The following SCARA5 variants were observed in gnomAD, a reference collection of about 807,000 sequenced individuals.
SCARA5 encodes scavenger receptor class A member 5, also known as scavenger receptor class A, member 5 (putative).
A neutral mutation model predicts 46.3 loss-of-function variants in SCARA5; 45 were observed. That is an observed-to-expected ratio of 0.97 (90% CI 0.76 to 1.24). The LOEUF (loss-of-function observed/expected upper bound fraction) is 1.24. Among genes scored for constraint, SCARA5 ranks in the 50% most tolerant of loss-of-function variants. SCARA5 has a pLI of 0.00. For missense variants in SCARA5, 680 were observed against 689.0 expected (o/e 0.99, Z 0.15); for synonymous variants, 333 against 306.5 (o/e 1.09, Z -0.90).
chr8:27,991,743 G>A (rs576915657), intron 1 of SCARA5, among the ~76,000 whole-genome samples: 1 of 152,216 alleles, frequency 6.6e-6, no homozygotes, highest in Non-Finnish European at 1.5e-5. Context: ...ACTGTACTTA[G>A]TTAAGCTAAA....
chr8:27,989,138 T>C (rs1365911989), intron 1 of SCARA5, among the ~76,000 whole-genome samples: 6 of 132,908 alleles, frequency 4.5e-5, no homozygotes, highest in African/African-American at 1.8e-4. Context: ...TCTTTTTTTT[T>C]TTTTTTTTTT....
rs774644825 is a variant in SCARA5, at chr8:27,966,590, C to T, written c.113-48G>A. On this transcript the variant is annotated intron_variant, in intron 2 of 8. Coordinates refer to ENST00000354914, the MANE Select transcript of SCARA5 (RefSeq NM_173833.6). ...GGAAGGAAAGAAGACACTTAAAAACCCCATAAGCTCTTTTCTTTTTTGGTC... is the reference window on the plus strand; with the variant it reads ...GGAAGGAAAGAAGACACTTAAAAACTCCATAAGCTCTTTTCTTTTTTGGTC... The T allele has an allele frequency of 3.2e-5, 49 of 1,545,978 alleles. No individual in the cohort carries two copies. The African/African-American group carries it at 5.5e-4, about 18-fold the overall frequency.
intron 2 of SCARA5, among the ~76,000 whole-genome samples, chr8:27,970,276 T>C (rs1358292294): frequency 6.6e-6 from 1 of 151,976 alleles, no homozygotes; most frequent in East Asian, 1.9e-4. Flanking sequence ...CTGGCCAATA[T>C]CTTTACTGCA....
At chr8:27,926,406 T>G (rs916494087) in intron 3 of SCARA5, among the ~76,000 whole-genome samples, 1 of 152,026 alleles carries the variant, frequency 6.6e-6, no homozygotes, top group Admixed American at 6.6e-5. Flanking sequence ...AGGAGATCAC[T>G]TGGACACAGT....
intron 2 of SCARA5, among the ~76,000 whole-genome samples, chr8:27,982,356 C>T (rs1017782266): frequency 6.7e-6 from 1 of 148,860 alleles, no homozygotes; most frequent in South Asian, 2.1e-4. Context: ...ATCGGGGAAA[C>T]CAAGGCGGGA....
chr8:27,935,119 G>C (rs1299685070), intron 3 of SCARA5, among the ~76,000 whole-genome samples: 3 of 152,218 alleles, frequency 2.0e-5, no homozygotes, highest in Admixed American at 6.5e-5. Context: ...ACCTCCAGAA[G>C]CAACCAAGGC....
Position 27,921,947 on chromosome 8 carries a change from C to G in SCARA5, c.540G>C (p.Thr180=), listed in dbSNP as rs760209676. 3.2e-6 allele frequency: 5 copies of G among 1,542,418 alleles called. No individual in the cohort carries two copies. The highest frequency in any genetic ancestry group is 3.5e-6 in the Non-Finnish European group (4 of 1,153,076). ...LRDRTGQQSD[T]AQLELYQLQV... Reference sequence around the variant, plus strand: ...GCAGCTGGTAGAGCTCCAGCTGCGCCGTGTCGCTCTGCTGGCCCGTGCGGT... The same window carrying G: ...GCAGCTGGTAGAGCTCCAGCTGCGCGGTGTCGCTCTGCTGGCCCGTGCGGT... Residue 180 remains threonine, a synonymous_variant, in exon 4 of 9, where the codon ACG becomes ACC. Coordinates refer to ENST00000354914, the MANE Select transcript of SCARA5 (RefSeq NM_173833.6).
At position 27,893,737 on chromosome 8, in the gene SCARA5, G is replaced by A. The variant is rs201675068; in HGVS notation, c.1153+11041C>T. 1.2e-4 allele frequency among the ~76,000 whole-genome samples: 18 copies of A among 152,228 alleles called. No homozygotes were observed. The East Asian group carries it at 3.3e-3, about 28-fold the overall frequency. On this transcript the variant is annotated intron_variant, in intron 7 of 8. Coordinates refer to ENST00000354914, the MANE Select transcript of SCARA5 (RefSeq NM_173833.6). ...CGCCCTGGCATCTCTGGACATCCCA[G>A]GGTTTTGCATCTGATTATTCCCTAC...
At chr8:27,947,214 G>T (rs972825824) in intron 3 of SCARA5, among the ~76,000 whole-genome samples, 4 of 152,180 alleles carry the variant, frequency 2.6e-5, no homozygotes, top group African/African-American at 9.6e-5. Flanking sequence ...GTTTCGCCGT[G>T]TTGGCCAGGC....
At chr8:27,884,961 C>T (rs1806870150) in intron 7 of SCARA5, among the ~76,000 whole-genome samples, 1 of 151,984 alleles carries the variant, frequency 6.6e-6, no homozygotes, top group African/African-American at 2.4e-5. Context: ...AGAGTGAGGG[C>T]AGGCGCCATC....
intron 2 of SCARA5, among the ~76,000 whole-genome samples, chr8:27,977,442 C>T (rs935307470): frequency 6.6e-5 from 10 of 152,172 alleles, no homozygotes; most frequent in African/African-American, 2.2e-4. Context: ...GCGGATCAGC[C>T]GTGAAACCTC....
chr8:27,917,524 C>T (rs1324249574), intron 4 of SCARA5, among the ~76,000 whole-genome samples: 8 of 152,166 alleles, frequency 5.3e-5, no homozygotes, highest in East Asian at 3.9e-4. Flanking sequence ...GCTTACAGCT[C>T]GGAAGCAAAA....
At chr8:27,978,043 T>C (rs1808554348) in intron 2 of SCARA5, among the ~76,000 whole-genome samples, 1 of 135,694 alleles carries the variant, frequency 7.4e-6, no homozygotes, top group African/African-American at 3.2e-5. Context: ...TTTTTTTTTT[T>C]TGAGACGGAG....
chr8:27,890,437 T>C lies in SCARA5; in HGVS notation c.1154-10671A>G, dbSNP rs1431664730. Among the ~76,000 whole-genome samples the C allele has an allele frequency of 3.2e-4, 49 of 152,242 alleles. 1 individual carries two copies. Among genetic ancestry groups the C allele is most frequent in the Admixed American group, 3.2e-3 (49 of 15,288 alleles). Reference sequence around the variant, plus strand: ...CACATATACTATTTTCCCTTGGAAATAGAGACCATGTCTTGTTTGTCCATG... The same window carrying C: ...CACATATACTATTTTCCCTTGGAAACAGAGACCATGTCTTGTTTGTCCATG... On this transcript the variant is annotated intron_variant, in intron 7 of 8. Coordinates refer to ENST00000354914, the MANE Select transcript of SCARA5 (RefSeq NM_173833.6).
chr8:27,916,469 A>ATG (rs1235238120), intron 4 of SCARA5, among the ~76,000 whole-genome samples: 3 of 151,988 alleles, frequency 2.0e-5, no homozygotes, highest in African/African-American at 7.3e-5. Context: ...GTATGCGTAT[A>ATG]TGTGTGTGTG....
Position 27,987,571 on chromosome 8 carries a change from G to A in SCARA5, c.45C>T (p.Asp15=), listed in dbSNP as rs1337319302. The change falls in exon 2 of 9, where the codon GAC becomes GAT. Residue 15 remains aspartate, a synonymous_variant. Transcript: ENST00000354914. ...AMYLHTVSDC[D]TSSICEDSFD... is the part of the protein sequence containing the mutation. Reference sequence around the variant, plus strand: ...AGGAATCCTCACAGATGGAGCTGGTGTCACAGTCGCTGACGGTGTGTAGGT... The same window carrying A: ...AGGAATCCTCACAGATGGAGCTGGTATCACAGTCGCTGACGGTGTGTAGGT... The A allele has an allele frequency of 5.0e-6, 8 of 1,614,022 alleles. No homozygotes were observed. The highest frequency in any genetic ancestry group is 5.9e-6 in the Non-Finnish European group (7 of 1,179,978).
At position 27,870,163 on chromosome 8, in the gene SCARA5, C is replaced by T. The variant is rs919723689; in HGVS notation, c.*1771G>A. The T allele has an allele frequency of 6.6e-6, 1 of 151,104 alleles. No homozygotes were observed. Among genetic ancestry groups the T allele is most frequent in the Non-Finnish European group, 1.5e-5 (1 of 67,970 alleles). The allele number at this position is 151,104 out of a possible 1,614,324, so 9.4% of individuals were successfully genotyped here. On this transcript the variant is annotated 3_prime_UTR_variant, in exon 9 of 9. Coordinates refer to ENST00000354914, the MANE Select transcript of SCARA5 (RefSeq NM_173833.6). ...TGGAAGGGATAACTGGATTCTTTGC[C>T]AGAACCGGGTTGGGAATTTAGTTTG...
intron 7 of SCARA5, among the ~76,000 whole-genome samples, chr8:27,899,099 G>A (rs1433960688): frequency 6.6e-6 from 1 of 152,234 alleles, no homozygotes; most frequent in Non-Finnish European, 1.5e-5. Flanking sequence ...CACGGAGGGG[G>A]TCTAAAGGGA....
intron 2 of SCARA5, among the ~76,000 whole-genome samples, chr8:27,975,648 G>C (rs1442014017): frequency 6.6e-6 from 1 of 152,220 alleles, no homozygotes; most frequent in Admixed American, 6.5e-5. Flanking sequence ...TTGGTAACCT[G>C]AAGTGAAGCA....
Sources: allele counts gnomAD v4.1 joint callset (sites outside exome capture counted in the v4.1 genomes callset), GRCh38; gene constraint gnomAD v4.1.1; transcripts MANE v1.5; gene names NCBI Gene and HGNC (gene_info 2026-07-23, HGNC 2026-07-21).